The following CSMD3 variants were observed in gnomAD, a reference collection of about 807,000 sequenced individuals.
CSMD3 encodes CUB and sushi domain-containing protein 3.
Under a neutral mutation model 435.2 loss-of-function variants are expected in CSMD3, and 177 were observed. The ratio of observed to expected loss-of-function variants is 0.41; its 90% CI spans 0.36 to 0.46. The LOEUF is 0.46. Ranked by LOEUF, CSMD3 falls within the 20% of genes least tolerant of loss-of-function variation. CSMD3 has a pLI of 0.34. For missense variants in CSMD3, 4,265 were observed against 4,504.6 expected, an observed-to-expected ratio of 0.95 and a Z score of 1.52; for synonymous variants, 1,656 against 1,520.5, an observed-to-expected ratio of 1.09 and a Z score of -2.07.
intron 4 of CSMD3, among the ~76,000 whole-genome samples, chr8:113,156,718 T>C (rs957639208): frequency 7.3e-5 from 10 of 137,310 alleles, no homozygotes; most frequent in African/African-American, 2.4e-4. Flanking sequence ...TTGGGAAACA[T>C]GGCAAAATCT....
chr8:113,436,767 G>A lies in CSMD3; in HGVS notation c.88C>T (p.Leu30=), dbSNP rs113405539. Residue 30 remains leucine (L), a synonymous_variant, in exon 1 of 71, where the codon CTA becomes TTA. Transcript: ENST00000297405. ...GKRRCAKCGR[L]DFILMKKMGI... ...ATTTTCTTCATCAGGATGAAGTCTA[G>A]GCGGCCACATTTAGCGCATCTTCGC... is the stretch of plus-strand genomic sequence containing the variant. 752 of 1,614,104 alleles carry A rather than the reference G, an allele frequency of 4.7e-4. 6 individuals carry two copies. In the African/African-American group the frequency reaches 9.0e-3, roughly 19 times the overall value.
intron 31 of CSMD3, among the ~76,000 whole-genome samples, chr8:112,484,133 CG>C (rs1741468328): frequency 6.6e-6 from 1 of 152,090 alleles, no homozygotes; most frequent in Non-Finnish European, 1.5e-5. Context: ...TTCTCCTTTC[CG>C]TTATATTCAG....
intron 4 of CSMD3, among the ~76,000 whole-genome samples, chr8:113,142,681 A>G (rs972966024): frequency 6.6e-6 from 1 of 151,146 alleles, no homozygotes. Flanking sequence ...AGTATTTGAC[A>G]ACACAACAGA....
At chr8:112,697,731 TA>T (rs1011672012) in intron 13 of CSMD3, among the ~76,000 whole-genome samples, 59 of 150,180 alleles carry the variant, frequency 3.9e-4, no homozygotes, top group Admixed American at 1.0e-3. Flanking sequence ...TAAAGTATAA[TA>T]AAAAAAAATA....
chr8:112,775,007 AG>A (rs1311068591), intron 13 of CSMD3, among the ~76,000 whole-genome samples: 4 of 151,892 alleles, frequency 2.6e-5, no homozygotes, highest in Non-Finnish European at 5.9e-5. Context: ...CTTTGGAGCC[AG>A]GCTTTCAGGA....
At chr8:112,699,400 C>G (rs192055041) in intron 13 of CSMD3, among the ~76,000 whole-genome samples, 106 of 152,162 alleles carry the variant, frequency 7.0e-4, no homozygotes, top group Middle Eastern at 3.4e-3. Context: ...TCGGCAAGAC[C>G]TAGAACCCAC....
intron 4 of CSMD3, among the ~76,000 whole-genome samples, chr8:113,111,591 T>C (rs1043032056): frequency 3.3e-5 from 5 of 152,202 alleles, no homozygotes; most frequent in African/African-American, 1.2e-4. Context: ...GTTTATCGCA[T>C]GTGTCGATTT....
At chr8:112,472,192 T>C (rs1411553134) in intron 32 of CSMD3, among the ~76,000 whole-genome samples, 1 of 152,198 alleles carries the variant, frequency 6.6e-6, no homozygotes, top group African/African-American at 2.4e-5. Flanking sequence ...ATTGATATGA[T>C]TGCTTTGTAA....
Position 112,292,583 on chromosome 8 carries a change from C to T in CSMD3, c.8742G>A (p.Gln2914=). ...GGCTCCACTGTCTGTTGGCCTGGCA[C>T]TGTGCCTTTGTTGGCCCTTGCATAA... The part of the protein sequence containing the change: ...GYLMQGPTKA[Q]CQANRQWSHP... The change falls in exon 55 of 71, where the codon CAG becomes CAA. Residue 2914 remains glutamine (Q), a synonymous_variant. Coordinates refer to ENST00000297405, the MANE Select transcript of CSMD3 (RefSeq NM_198123.2). The T allele has an allele frequency of 1.2e-6, 2 of 1,613,852 alleles. No individual in the cohort carries two copies. The highest frequency in any genetic ancestry group is 1.7e-6 in the Non-Finnish European group (2 of 1,179,788).
chr8:112,891,801 A>G (rs1056446260), intron 10 of CSMD3, among the ~76,000 whole-genome samples: 3 of 151,570 alleles, frequency 2.0e-5, no homozygotes, highest in African/African-American at 7.3e-5. Context: ...TCATATACAT[A>G]GATTGTAGAA....
At chr8:113,434,448 G>A (rs1188994936) in intron 1 of CSMD3, among the ~76,000 whole-genome samples, 1 of 152,142 alleles carries the variant, frequency 6.6e-6, no homozygotes, top group Non-Finnish European at 1.5e-5. Flanking sequence ...TGAGGAAAGG[G>A]AGAGTAAAAA....
chr8:113,038,162 G>A (rs966319285), intron 5 of CSMD3, among the ~76,000 whole-genome samples: 1 of 152,028 alleles, frequency 6.6e-6, no homozygotes, highest in African/African-American at 2.4e-5. Flanking sequence ...GTCAACATAC[G>A]TATTACTTAT....
chr8:113,373,605 G>A (rs967555708), intron 1 of CSMD3, among the ~76,000 whole-genome samples: 11 of 151,644 alleles, frequency 7.3e-5, no homozygotes, highest in African/African-American at 2.7e-4. Context: ...TAACTTTACT[G>A]GTATTTTGAA....
intron 13 of CSMD3, among the ~76,000 whole-genome samples, chr8:112,715,258 C>T (rs1227909807): frequency 1.3e-5 from 2 of 152,160 alleles, no homozygotes; most frequent in African/African-American, 2.4e-5. Flanking sequence ...ACTGACCCCA[C>T]ATAAATACAA....
intron 12 of CSMD3, among the ~76,000 whole-genome samples, chr8:112,816,277 T>C (rs2079372928): frequency 6.6e-6 from 1 of 152,116 alleles, no homozygotes; most frequent in African/African-American, 2.4e-5. Context: ...ATTGCTGCCC[T>C]CAAGGGATGA....
intron 27 of CSMD3, among the ~76,000 whole-genome samples, chr8:112,520,673 T>C (rs910671034): frequency 6.6e-6 from 1 of 152,044 alleles, no homozygotes; most frequent in African/African-American, 2.4e-5. Context: ...GTTATATTTG[T>C]GGTTATTAAA....
intron 1 of CSMD3, among the ~76,000 whole-genome samples, chr8:113,405,368 C>T (rs1431940494): frequency 1.3e-5 from 2 of 151,474 alleles, no homozygotes; most frequent in Admixed American, 6.6e-5. Flanking sequence ...GTCTTATTTG[C>T]TAACCAATAA....
intron 10 of CSMD3, among the ~76,000 whole-genome samples, chr8:112,883,440 T>C (rs535364557): frequency 6.6e-6 from 1 of 152,096 alleles, no homozygotes; most frequent in Admixed American, 6.6e-5. Context: ...CAGTGAACCA[T>C]TTCAGTGCTT....
At chr8:112,455,509 T>G (rs1816739733) in intron 32 of CSMD3, among the ~76,000 whole-genome samples, 1 of 152,052 alleles carries the variant, frequency 6.6e-6, no homozygotes, top group South Asian at 2.1e-4. Flanking sequence ...AGCCTCAGTG[T>G]CAAACTTAAT....
Sources: allele counts gnomAD v4.1 joint callset (sites outside exome capture counted in the v4.1 genomes callset), GRCh38; gene constraint gnomAD v4.1.1; transcripts MANE v1.5; gene names NCBI Gene and HGNC (gene_info 2026-07-23, HGNC 2026-07-21).